Variants in PMFBP1 observed in about 807,000 individuals in gnomAD.
PMFBP1 encodes polyamine modulated factor 1 binding protein 1, also known as polyamine-modulated factor 1-binding protein 1.
PMFBP1 carries 131 observed loss-of-function variants against 137.8 expected under a neutral mutation model. The observed-to-expected ratio is 0.95, with a 90% CI of 0.82 to 1.10. PMFBP1 has a LOEUF of 1.10. Ranked by LOEUF, PMFBP1 falls within the 50% of genes least tolerant of loss-of-function variation. PMFBP1 has a pLI of 0.00. For missense variants in PMFBP1, 1,199 were observed against 1,175.4 expected, an observed-to-expected ratio of 1.02 and a Z score of -0.29; for synonymous variants, 490 against 450.4, an observed-to-expected ratio of 1.09 and a Z score of -1.11.
At chr16:72,158,851 C>T (rs2043020798) in intron 3 of PMFBP1, among the ~76,000 whole-genome samples, 1 of 151,914 alleles carries the variant, frequency 6.6e-6, no homozygotes, top group African/African-American at 2.4e-5. Context: ...AAAAATTAGC[C>T]ATGCATGTTG....
intron 9 of PMFBP1, among the ~76,000 whole-genome samples, chr16:72,134,997 T>C (rs902738651): frequency 6.6e-6 from 1 of 152,246 alleles, no homozygotes; most frequent in Non-Finnish European, 1.5e-5. Flanking sequence ...GTGCTTGGCA[T>C]ATTTTAGGGC....
At chr16:72,117,290 T>C (rs2042318034), downstream of PMFBP1, among the ~76,000 whole-genome samples, 1 of 152,188 alleles carries the variant, frequency 6.6e-6, no homozygotes. Flanking sequence ...ATTTTTATAA[T>C]TTCCTTTTCA....
At chr16:72,141,387 C>G (rs1354942747) in intron 5 of PMFBP1, among the ~76,000 whole-genome samples, 1 of 152,168 alleles carries the variant, frequency 6.6e-6, no homozygotes, top group Non-Finnish European at 1.5e-5. Context: ...TATATTGTCT[C>G]TCTAAAACAT....
At chr16:72,136,954 GGGT>G in intron 7 of PMFBP1, 135 bp from the exon 8 acceptor site, 3 of 1,225,840 alleles carry the variant, frequency 2.4e-6, no homozygotes, top group Non-Finnish European at 3.4e-6. Context: ...GCCAGGGGAT[GGGT>G]GTGCGGAGTG....
intron 13 of PMFBP1, 56 bp from the exon 14 acceptor site, chr16:72,128,850 A>T: frequency 6.2e-7 from 1 of 1,605,798 alleles, no homozygotes; most frequent in Non-Finnish European, 8.5e-7. Flanking sequence ...TCAGATAACT[A>T]TAAAAGCCCC....
chr16:72,243,474 T>C, the PMFBP1 span, among the ~76,000 whole-genome samples: 1 of 152,316 alleles, frequency 6.6e-6, no homozygotes, highest in African/African-American at 2.4e-5. Context: ...AAACAACTCA[T>C]TGCATTCCAC....
chr16:72,168,711 C>T, intron 2 of PMFBP1, among the ~76,000 whole-genome samples: 1 of 152,148 alleles, frequency 6.6e-6, no homozygotes, highest in South Asian at 2.1e-4. Flanking sequence ...TACCCGGTTT[C>T]TCTTATATAA....
intron 16 of PMFBP1, 125 bp from the exon 17 acceptor site, chr16:72,125,059 C>T (rs2042434002): frequency 7.3e-7 from 1 of 1,377,102 alleles, no homozygotes; most frequent in Admixed American, 2.1e-5. Context: ...TCTCAGTGGC[C>T]AGCAGAGGGC....
chr16:72,125,311 T>A lies in PMFBP1; in HGVS notation c.2348A>T (p.Tyr783Phe), dbSNP rs2042438524. The A allele has an allele frequency of 3.1e-6, 5 of 1,614,078 alleles. No homozygotes were observed. Among genetic ancestry groups the A allele is most frequent in the Non-Finnish European group, 2.5e-6 (3 of 1,180,046 alleles). Residue 783 changes from tyrosine to phenylalanine, a missense_variant, in exon 16 of 21, where the codon TAT becomes TTT. By Grantham distance (22) the Tyr-to-Phe change is conservative. Transcript: ENST00000237353. ...ATTGAGCTTTTTCATCCTTTCCTCA[T>A]AAGCAATGATTTCCTCTTCCAGCTG... ...KAQLEEEIIA[Y>F]EERMKKLNTE...
chr16:72,139,310 T>C lies in PMFBP1; in HGVS notation c.897A>G (p.Glu299=), dbSNP rs765818440. 3.1e-6 allele frequency: 5 copies of C among 1,613,772 alleles called. No homozygotes were observed. In the African/African-American group the frequency reaches 6.7e-5, roughly 22 times the overall value. ...CCACCTTTTTGATGTCTTCACACTC[T>C]TCTGAGGAGCTAGGAGGGTATCTGT... ...ATHRYPPSSS[E]ECEDIKKILK... The change falls in exon 7 of 21, where the codon GAA becomes GAG. Residue 299 remains glutamate, a synonymous_variant. Coordinates refer to ENST00000237353, the MANE Select transcript of PMFBP1 (RefSeq NM_031293.3).
chr16:72,122,191 C>G (rs1408855664), intron 19 of PMFBP1, among the ~76,000 whole-genome samples: 2 of 152,194 alleles, frequency 1.3e-5, no homozygotes, highest in East Asian at 3.8e-4. Context: ...GGATAATAGC[C>G]TCTAGCTCCA....
chr16:72,166,289 T>C (rs917281358), intron 2 of PMFBP1, among the ~76,000 whole-genome samples: 1 of 152,130 alleles, frequency 6.6e-6, no homozygotes, highest in Non-Finnish European at 1.5e-5. Flanking sequence ...CGAGATCTGA[T>C]AGTTTAAAAG....
the PMFBP1 span, among the ~76,000 whole-genome samples, chr16:72,205,118 G>C: frequency 4.7e-4 from 71 of 152,200 alleles, no homozygotes; most frequent in African/African-American, 1.6e-3. Flanking sequence ...GACTTTCTGG[G>C]CCAGGACCAG....
At chr16:72,216,963 TA>T in the PMFBP1 span, among the ~76,000 whole-genome samples, 1 of 152,218 alleles carries the variant, frequency 6.6e-6, no homozygotes, top group African/African-American at 2.4e-5. Flanking sequence ...AGTCACATGA[TA>T]GATCTTTGCA....
chr16:72,133,335 C>A (rs11641149), intron 9 of PMFBP1, among the ~76,000 whole-genome samples: 4 of 151,910 alleles, frequency 2.6e-5, no homozygotes, highest in African/African-American at 9.7e-5. Context: ...TCCACCACCA[C>A]GCCTGGCTAA....
intron 3 of PMFBP1, among the ~76,000 whole-genome samples, chr16:72,161,658 T>C (rs936421338): frequency 1.3e-5 from 2 of 152,082 alleles, no homozygotes; most frequent in East Asian, 3.9e-4. Context: ...TTCCCTAAGG[T>C]TAACTTCTTA....
the PMFBP1 span, among the ~76,000 whole-genome samples, chr16:72,205,883 CT>C: frequency 6.6e-6 from 1 of 152,136 alleles, no homozygotes. Flanking sequence ...GATGGAGGCT[CT>C]GAGGGCCTCC....
At chr16:72,187,558 C>T in the PMFBP1 span, among the ~76,000 whole-genome samples, 85,736 of 152,008 alleles carry the variant, frequency 0.56, 25,356 homozygotes, top group African/African-American at 0.74. Context: ...ATATTGAACC[C>T]GTTTATATTG....
chr16:72,150,566 A>G (rs1450669632), intron 5 of PMFBP1, 42 bp downstream of exon 5: 1 of 1,585,062 alleles, frequency 6.3e-7, no homozygotes. Flanking sequence ...ACCTGGGAGC[A>G]CATCCACTTG....
Sources: gnomAD v4.1 joint callset for allele counts (sites outside exome capture counted in the v4.1 genomes callset) on GRCh38, gnomAD v4.1.1 for gene constraint, MANE v1.5 for transcripts, NCBI Gene and HGNC (gene_info 2026-07-23, HGNC 2026-07-21) for gene names.